Variants in SGCG observed in about 807,000 individuals in gnomAD.
The protein encoded by SGCG is gamma-sarcoglycan.
In SGCG, 26 loss-of-function variants were observed where a neutral mutation model predicts 29.3. The ratio of observed to expected loss-of-function variants is 0.89; its 90% CI spans 0.65 to 1.23. The LOEUF is 1.23. Among genes scored for constraint, SGCG ranks in the 50% most tolerant of loss-of-function variants. The pLI is 0.00. For missense variants in SGCG, 353 were observed against 356.0 expected, an observed-to-expected ratio of 0.99 and a Z score of 0.07; for synonymous variants, 145 against 129.7, an observed-to-expected ratio of 1.12 and a Z score of -0.80.
chr13:23,212,478 C>A (rs971192704), intron 2 of SGCG, among the ~76,000 whole-genome samples: 2 of 151,986 alleles, frequency 1.3e-5, no homozygotes, highest in Non-Finnish European at 2.9e-5. Flanking sequence ...GTAAGTATTT[C>A]TTGAGTTGAT....
At chr13:23,292,007 G>A (rs1881726731) in intron 5 of SGCG, among the ~76,000 whole-genome samples, 1 of 152,192 alleles carries the variant, frequency 6.6e-6, no homozygotes. Context: ...AACCTGCTGT[G>A]ACACCAAGAG....
intron 6 of SGCG, among the ~76,000 whole-genome samples, chr13:23,302,564 A>G (rs921777515): frequency 1.3e-4 from 20 of 152,120 alleles, no homozygotes; most frequent in African/African-American, 1.9e-4. Context: ...AAATATGCCA[A>G]TTACTCTGAT....
intron 3 of SGCG, among the ~76,000 whole-genome samples, chr13:23,242,729 G>A (rs1879557178): frequency 6.6e-6 from 1 of 152,084 alleles, no homozygotes; most frequent in Non-Finnish European, 1.5e-5. Flanking sequence ...TATAGTGGTG[G>A]TTGTACAATA....
At chr13:23,201,569 C>A (rs1877767644) in intron 1 of SGCG, among the ~76,000 whole-genome samples, 2 of 152,094 alleles carry the variant, frequency 1.3e-5, no homozygotes, top group Admixed American at 1.3e-4. Context: ...CTGGAAAAGG[C>A]AAGCAACGTC....
intron 6 of SGCG, among the ~76,000 whole-genome samples, chr13:23,311,581 C>T (rs1160914368): frequency 6.6e-6 from 1 of 152,186 alleles, no homozygotes; most frequent in Non-Finnish European, 1.5e-5. Flanking sequence ...TGGCTTGGTG[C>T]TCGGCACGTT....
At position 23,324,809 on chromosome 13, in the gene SGCG, TTCTC is replaced by T; in HGVS notation, c.*272_*275del. The T allele has an allele frequency of 1.3e-5, 6 of 450,006 alleles. No homozygotes were observed. The highest frequency in any genetic ancestry group is 1.2e-4 in the South Asian group (6 of 49,418). 27.9% of individuals were successfully genotyped at this position (450,006 alleles called of 1,614,324 possible). ...TAATTTTCACCGGAACAATTGCGAA[TTCTC>T]TCTGCCTCGCCTCCCCCTATCTTGT... On this transcript the variant is annotated 3_prime_UTR_variant, in exon 8 of 8. Coordinates refer to ENST00000218867, the MANE Select transcript of SGCG (RefSeq NM_000231.3).
the SGCG span, among the ~76,000 whole-genome samples, chr13:23,167,526 C>T: frequency 2.0e-5 from 3 of 152,232 alleles, no homozygotes; most frequent in African/African-American, 7.2e-5. Flanking sequence ...CAACAGTGCA[C>T]AAGGGTTCTT....
At position 23,205,347 on chromosome 13, in the gene SGCG, CTA is replaced by C. The variant is rs565171942; in HGVS notation, c.195+1460_195+1461del. On this transcript the variant is annotated intron_variant, in intron 2 of 7. Transcript: ENST00000218867. ...AGTGTTAAAGTCCTCAAATTATAAA[CTA>C]TGGGATTTGCCAGAGACAACTGAAT... Among the ~76,000 whole-genome samples the C allele has an allele frequency of 1.6e-4, 25 of 152,128 alleles. 1 individual carries two copies. The South Asian group carries it at 5.0e-3, about 30-fold the overall frequency.
At chr13:23,238,987 G>C (rs1028459870) in intron 3 of SGCG, among the ~76,000 whole-genome samples, 1 of 152,058 alleles carries the variant, frequency 6.6e-6, no homozygotes, top group Admixed American at 6.5e-5. Flanking sequence ...ACAATGTCAA[G>C]GGGCTTTATG....
chr13:23,290,567 G>T (rs781274427), intron 5 of SGCG, among the ~76,000 whole-genome samples: 3 of 152,164 alleles, frequency 2.0e-5, no homozygotes, highest in Non-Finnish European at 4.4e-5. Flanking sequence ...AGTAATAAAG[G>T]CAAAAGGCAG....
intron 5 of SGCG, among the ~76,000 whole-genome samples, chr13:23,281,350 A>G (rs1379162532): frequency 5.0e-5 from 1 of 19,928 alleles, no homozygotes; most frequent in East Asian, 6.5e-4. Context: ...AGTAATAATA[A>G]TAATAATAAT....
intron 2 of SGCG, among the ~76,000 whole-genome samples, chr13:23,207,962 G>A (rs987660888): frequency 6.6e-6 from 1 of 152,082 alleles, no homozygotes; most frequent in African/African-American, 2.4e-5. Context: ...TTATCCAAAA[G>A]AATGGAAACC....
intron 2 of SGCG, among the ~76,000 whole-genome samples, chr13:23,224,805 C>T (rs1171777964): frequency 2.6e-5 from 4 of 152,120 alleles, no homozygotes; most frequent in African/African-American, 9.7e-5. Flanking sequence ...ATAGAATTAC[C>T]TGGAAGCTTC....
At chr13:23,252,616 G>A (rs753200067) in intron 4 of SGCG, among the ~76,000 whole-genome samples, 8 of 152,088 alleles carry the variant, frequency 5.3e-5, no homozygotes, top group South Asian at 2.1e-4. Flanking sequence ...GCGTGAACCC[G>A]GGAGGCGGAG....
chr13:23,165,681 C>T, the SGCG span, among the ~76,000 whole-genome samples: 2 of 151,232 alleles, frequency 1.3e-5, no homozygotes, highest in African/African-American at 2.4e-5. Context: ...CTTGCCACCA[C>T]GCCCAGCTAA....
chr13:23,247,223 G>C (rs953723145), intron 3 of SGCG: 2 of 152,734 alleles, frequency 1.3e-5, no homozygotes, highest in African/African-American at 2.4e-5. Context: ...TAAGAAAGGA[G>C]ACCAGTAGCC....
intron 3 of SGCG, 60 bp downstream of exon 3, chr13:23,234,772 C>T (rs1879247203): frequency 2.6e-6 from 3 of 1,167,878 alleles, no homozygotes; most frequent in African/African-American, 3.0e-5. Flanking sequence ...TGTTTAAGCA[C>T]AAAAATTCAG....
chr13:23,208,450 C>A (rs185697722), intron 2 of SGCG, among the ~76,000 whole-genome samples: 1 of 151,906 alleles, frequency 6.6e-6, no homozygotes, highest in Non-Finnish European at 1.5e-5. Context: ...ACAAGATGAA[C>A]GCATAAGGAC....
intron 1 of SGCG, among the ~76,000 whole-genome samples, chr13:23,182,885 C>G (rs1876799812): frequency 1.3e-5 from 2 of 152,150 alleles, no homozygotes; most frequent in Admixed American, 1.3e-4. Context: ...CACATGGGTG[C>G]TTTGGAAGGA....
Sources: allele counts gnomAD v4.1 joint callset (sites outside exome capture counted in the v4.1 genomes callset), GRCh38; gene constraint gnomAD v4.1.1; transcripts MANE v1.5; gene names NCBI Gene and HGNC (gene_info 2026-07-23, HGNC 2026-07-21).